SPOCK1: variants seen among roughly 807,000 people sequenced by gnomAD.
SPOCK1 encodes SPARC (osteonectin), cwcv and kazal like domains proteoglycan 1, also known as testican-1.
In SPOCK1, 23 loss-of-function variants were observed where a neutral mutation model predicts 55.3. That is an observed-to-expected ratio of 0.42 (90% CI 0.30 to 0.59). SPOCK1 has a LOEUF of 0.59. SPOCK1 is among the 20% of genes least tolerant of loss of function. The pLI is 0.22. For missense variants in SPOCK1, 499 were observed against 552.5 expected (o/e 0.90, Z 0.97); for synonymous variants, 226 against 221.0 (o/e 1.02, Z -0.20).
In SPOCK1 at chr5:137,180,255, G is replaced by A. The variant is rs542661376; in HGVS notation, c.233-39561C>T. ...TGTTGAGCCAAGTGTAACATGTTTT[G>A]TACAGCAAAAAGATGCACATGTAAG... is the stretch of plus-strand genomic sequence containing the variant. On this transcript the variant is annotated intron_variant, in intron 3 of 10. Coordinates refer to ENST00000394945, the MANE Select transcript of SPOCK1 (RefSeq NM_004598.4). 4.6e-5 allele frequency among the ~76,000 whole-genome samples: 7 copies of A among 151,228 alleles called. No homozygotes were observed. The East Asian group carries it at 1.4e-3, about 30-fold the overall frequency.
chr5:136,996,109 C>G (rs1388311726), intron 6 of SPOCK1, among the ~76,000 whole-genome samples: 2 of 152,160 alleles, frequency 1.3e-5, no homozygotes, highest in African/African-American at 4.8e-5. Flanking sequence ...AGAAAAGTGC[C>G]TGCCTTTTAA....
intron 6 of SPOCK1, among the ~76,000 whole-genome samples, chr5:137,013,887 GC>G (rs1751399936): frequency 1.3e-5 from 2 of 152,140 alleles, no homozygotes; most frequent in Non-Finnish European, 2.9e-5. Flanking sequence ...TGCCTTGGGA[GC>G]CGGGTCAGCA....
At chr5:137,150,849 C>A (rs999096178) in intron 3 of SPOCK1, among the ~76,000 whole-genome samples, 11 of 151,832 alleles carry the variant, frequency 7.2e-5, no homozygotes, top group Non-Finnish European at 1.6e-4. Flanking sequence ...CTCAGAGCCT[C>A]AGATGAAGAG....
intron 2 of SPOCK1, among the ~76,000 whole-genome samples, chr5:137,322,304 G>C (rs1206013135): frequency 6.7e-6 from 1 of 149,788 alleles, no homozygotes; most frequent in Non-Finnish European, 1.5e-5. Context: ...CTGCACTCCA[G>C]CCTGGGCATC....
At chr5:137,354,840 C>A (rs1750756657) in intron 2 of SPOCK1, among the ~76,000 whole-genome samples, 1 of 152,130 alleles carries the variant, frequency 6.6e-6, no homozygotes, top group Non-Finnish European at 1.5e-5. Context: ...AATTGAAAAA[C>A]CTGCTTTCAG....
At chr5:137,073,766 T>C (rs11951459) in intron 5 of SPOCK1, among the ~76,000 whole-genome samples, 4,578 of 152,276 alleles carry the variant, frequency 0.03, 110 homozygotes, top group East Asian at 0.097. Context: ...ATGTAATTAA[T>C]TGAGTCAGAA....
chr5:137,039,506 C>A (rs1295490908), intron 6 of SPOCK1, among the ~76,000 whole-genome samples: 8 of 152,148 alleles, frequency 5.3e-5, no homozygotes, highest in Admixed American at 2.0e-4. Flanking sequence ...TTGCAGAAGA[C>A]TCAAGTTGGA....
At chr5:137,240,827 G>C (rs1756266534) in intron 3 of SPOCK1, among the ~76,000 whole-genome samples, 1 of 152,138 alleles carries the variant, frequency 6.6e-6, no homozygotes, top group Admixed American at 6.5e-5. Flanking sequence ...ATCGAACAAT[G>C]ATTAAAATAG....
intron 2 of SPOCK1, among the ~76,000 whole-genome samples, chr5:137,297,107 GAAGTT>G (rs139943815): frequency 1.3e-5 from 2 of 152,078 alleles, no homozygotes; most frequent in Admixed American, 6.5e-5. Context: ...GCCTTTTCTT[GAAGTT>G]AAGCTTCAAT....
chr5:137,321,987 C>T (rs528169044), intron 2 of SPOCK1, among the ~76,000 whole-genome samples: 5 of 151,948 alleles, frequency 3.3e-5, no homozygotes, highest in Admixed American at 3.3e-4. Flanking sequence ...AATTTATCAC[C>T]ACTAGACCCG....
At chr5:137,189,461 A>T (rs1470312331) in intron 3 of SPOCK1, among the ~76,000 whole-genome samples, 1 of 152,218 alleles carries the variant, frequency 6.6e-6, no homozygotes, top group Non-Finnish European at 1.5e-5. Flanking sequence ...TAAAAATGGA[A>T]CAACGAAGCT....
intron 5 of SPOCK1, among the ~76,000 whole-genome samples, chr5:137,098,874 G>T (rs1753205300): frequency 2.0e-5 from 3 of 152,144 alleles, no homozygotes; most frequent in Non-Finnish European, 4.4e-5. Context: ...GCCACCTCAG[G>T]AGACCTGCTC....
At position 137,305,550 on chromosome 5, in the gene SPOCK1, C is replaced by T. The variant is rs540764873; in HGVS notation, c.187-38495G>A. 2.0e-5 allele frequency among the ~76,000 whole-genome samples: 3 copies of T among 152,342 alleles called. No individual in the cohort carries two copies. In the East Asian group the frequency reaches 5.8e-4, roughly 29 times the overall value. On this transcript the variant is annotated intron_variant, in intron 2 of 10. Coordinates refer to ENST00000394945, the MANE Select transcript of SPOCK1 (RefSeq NM_004598.4). ...GAAGTGCTCCATGGGATGTCAGCCACTCTGCTGTAATCAACAACACCGACA... is the reference window on the plus strand; with the variant it reads ...GAAGTGCTCCATGGGATGTCAGCCATTCTGCTGTAATCAACAACACCGACA...
intron 3 of SPOCK1, among the ~76,000 whole-genome samples, chr5:137,217,024 G>A (rs190771119): frequency 6.6e-6 from 1 of 152,262 alleles, no homozygotes; most frequent in African/African-American, 2.4e-5. Flanking sequence ...GAAGGCCTAG[G>A]TTGGGAGAAG....
chr5:137,340,119 A>G (rs1750386229), intron 2 of SPOCK1, among the ~76,000 whole-genome samples: 1 of 152,082 alleles, frequency 6.6e-6, no homozygotes, highest in Middle Eastern at 3.2e-3. Flanking sequence ...TAAAACACAC[A>G]CCAGAAAAGG....
chr5:137,060,299 C>A (rs146976960), intron 6 of SPOCK1, among the ~76,000 whole-genome samples: 14 of 152,238 alleles, frequency 9.2e-5, no homozygotes, highest in African/African-American at 3.4e-4. Context: ...TCCTTTGCAG[C>A]AACATGGATG....
At chr5:137,388,365 T>C (rs1471522385) in intron 2 of SPOCK1, among the ~76,000 whole-genome samples, 4 of 149,860 alleles carry the variant, frequency 2.7e-5, no homozygotes, top group Non-Finnish European at 1.5e-5. Context: ...GTTCTTGTGT[T>C]CTCTGATGGC....
intron 3 of SPOCK1, among the ~76,000 whole-genome samples, chr5:137,179,185 T>C (rs1754918767): frequency 6.6e-6 from 1 of 152,150 alleles, no homozygotes; most frequent in Non-Finnish European, 1.5e-5. Flanking sequence ...ACCACATCTA[T>C]AGTGGTTTAA....
chr5:137,480,627 T>C (rs1487146263), intron 2 of SPOCK1, among the ~76,000 whole-genome samples: 1 of 152,034 alleles, frequency 6.6e-6, no homozygotes, highest in Non-Finnish European at 1.5e-5. Context: ...GGCCCATGAG[T>C]GTGACAGGGA....
Sources: gnomAD v4.1 joint callset for allele counts (sites outside exome capture counted in the v4.1 genomes callset) on GRCh38, gnomAD v4.1.1 for gene constraint, MANE v1.5 for transcripts, NCBI Gene and HGNC (gene_info 2026-07-23, HGNC 2026-07-21) for gene names.